PRKCH: variants seen among roughly 807,000 people sequenced by gnomAD.
PRKCH encodes protein kinase C eta.
A neutral mutation model predicts 82.5 loss-of-function variants in PRKCH; 28 were observed. The observed-to-expected ratio is 0.34, with a 90% CI of 0.25 to 0.47. PRKCH has a LOEUF of 0.47. PRKCH is among the 20% of genes least tolerant of loss of function. The pLI, the probability that PRKCH is intolerant of heterozygous loss-of-function variation, is 1.00. For synonymous variants in PRKCH, 322 were observed against 327.4 expected (o/e 0.98, Z 0.18); for missense variants, 705 against 881.8 (o/e 0.80, Z 2.54).
At chr14:61,338,105 G>A (rs1225778351) in intron 1 of PRKCH, among the ~76,000 whole-genome samples, 1 of 152,102 alleles carries the variant, frequency 6.6e-6, no homozygotes, top group African/African-American at 2.4e-5. Context: ...TGTGTTTGTG[G>A]GTGTCTGCCC....
Position 61,542,942 on chromosome 14 carries a change from C to T in PRKCH, c.1762-4801C>T, listed in dbSNP as rs115824029. Among the ~76,000 whole-genome samples, 299 of 152,294 alleles carry T rather than the reference C, an allele frequency of 2.0e-3. 2 individuals are homozygous for T. Among genetic ancestry groups the T allele is most frequent in the African/African-American group, 6.8e-3 (284 of 41,556 alleles). On this transcript the variant is annotated intron_variant, in intron 12 of 13. Coordinates refer to ENST00000332981, the MANE Select transcript of PRKCH (RefSeq NM_006255.5). ...TTATGCCAGGCGCTTTACGTTAATTCTCTCATTGACTCATCATAACTTTTT... is the reference window on the plus strand; with the variant it reads ...TTATGCCAGGCGCTTTACGTTAATTTTCTCATTGACTCATCATAACTTTTT...
At chr14:61,337,952 CT>C (rs2045880153) in intron 1 of PRKCH, among the ~76,000 whole-genome samples, 1 of 152,224 alleles carries the variant, frequency 6.6e-6, no homozygotes, top group African/African-American at 2.4e-5. Context: ...TTTGTTAGCT[CT>C]TTGGTTGTGC....
intron 4 of PRKCH, among the ~76,000 whole-genome samples, chr14:61,448,486 G>A (rs1335276049): frequency 6.6e-6 from 1 of 152,176 alleles, no homozygotes; most frequent in African/African-American, 2.4e-5. Flanking sequence ...AATTCTGAGG[G>A]CATTACAAGG....
rs754222218 is a variant in PRKCH at position 61,391,234 on chromosome 14, G to A, written c.373G>A (p.Glu125Lys). The change falls in exon 2 of 14, where the codon GAG becomes AAG. Residue 125 changes from glutamate (E) to lysine (K), a missense_variant. Glu to Lys is a moderately conservative substitution (Grantham distance 56, BLOSUM62 1). Transcript: ENST00000332981. ...SDTFEGWVDL[E>K]PEGKVFVVIT... ...TTTTTTCTCTTTGTAGGTGGATCTC[G>A]AGCCAGAGGGGAAAGTATTTGTGGT... 14 of 1,609,606 alleles carry A rather than the reference G, an allele frequency of 8.7e-6. No individual in the cohort carries two copies. The highest frequency in any genetic ancestry group is 2.7e-5 in the African/African-American group (2 of 74,556).
At chr14:61,373,374 T>C (rs2046388262) in intron 1 of PRKCH, among the ~76,000 whole-genome samples, 1 of 151,640 alleles carries the variant, frequency 6.6e-6, no homozygotes, top group South Asian at 2.1e-4. Context: ...CCACACACTT[T>C]CAACCAACCA....
intron 1 of PRKCH, among the ~76,000 whole-genome samples, chr14:61,291,418 C>T (rs2045361065): frequency 6.7e-6 from 1 of 148,516 alleles, no homozygotes; most frequent in Non-Finnish European, 1.5e-5. Flanking sequence ...CAACCTCCGC[C>T]TACCGGGTTC....
intron 2 of PRKCH, among the ~76,000 whole-genome samples, chr14:61,434,145 G>A (rs1482426594): frequency 2.6e-5 from 4 of 152,286 alleles, no homozygotes; most frequent in African/African-American, 9.6e-5. Context: ...GTTAAATTTA[G>A]TAAAGAAGAA....
At chr14:61,194,423 TATAAA>T (rs1220908599) in intron 1 of PRKCH, among the ~76,000 whole-genome samples, 1 of 152,180 alleles carries the variant, frequency 6.6e-6, no homozygotes, top group African/African-American at 2.4e-5. Flanking sequence ...TTAACGCTCT[TATAAA>T]AGAGACCCCT....
intron 4 of PRKCH, among the ~76,000 whole-genome samples, chr14:61,446,173 CAA>C (rs34051551): frequency 3.0e-4 from 24 of 79,624 alleles, no homozygotes; most frequent in Non-Finnish European, 4.2e-4. Flanking sequence ...GTTATGATTT[CAA>C]AAAAAAAAAA....
intron 12 of PRKCH, among the ~76,000 whole-genome samples, chr14:61,541,043 C>T (rs964302274): frequency 6.6e-6 from 1 of 152,234 alleles, no homozygotes; most frequent in Non-Finnish European, 1.5e-5. Flanking sequence ...ACTGCCTTCT[C>T]CTATGGAAAA....
At chr14:61,318,057 C>T (rs1344562017), upstream of PRKCH, among the ~76,000 whole-genome samples, 1 of 151,890 alleles carries the variant, frequency 6.6e-6, no homozygotes, top group African/African-American at 2.4e-5. Context: ...TTATCCCTGC[C>T]CCAATCTCCT....
chr14:61,545,811 A>G (rs936190129), intron 12 of PRKCH, among the ~76,000 whole-genome samples: 1 of 152,132 alleles, frequency 6.6e-6, no homozygotes, highest in African/African-American at 2.4e-5. Context: ...TGCCCCATGG[A>G]AGCTTGGGTT....
chr14:61,422,188 A>T (rs1882872064), intron 2 of PRKCH, among the ~76,000 whole-genome samples: 1 of 152,052 alleles, frequency 6.6e-6, no homozygotes, highest in African/African-American at 2.4e-5. Flanking sequence ...GGCTCAAGTG[A>T]TCTTCCCACC....
intron 1 of PRKCH, among the ~76,000 whole-genome samples, chr14:61,360,580 T>G (rs754658357): frequency 9.2e-5 from 14 of 152,214 alleles, no homozygotes; most frequent in Non-Finnish European, 1.6e-4. Flanking sequence ...TTACATTTCT[T>G]AAAGCCATGT....
chr14:61,292,715 G>A (rs1262059764), intron 1 of PRKCH, among the ~76,000 whole-genome samples: 36 of 140,332 alleles, frequency 2.6e-4, no homozygotes. Flanking sequence ...AGGTTGCAGT[G>A]ACCCAAGATT....
chr14:61,376,649 A>G (rs2046431806), intron 1 of PRKCH, among the ~76,000 whole-genome samples: 1 of 152,006 alleles, frequency 6.6e-6, no homozygotes, highest in African/African-American at 2.4e-5. Context: ...TCCACTGCAC[A>G]CTTGTACCAC....
intron 1 of PRKCH, among the ~76,000 whole-genome samples, chr14:61,273,696 A>G (rs183929523): frequency 1.1e-4 from 16 of 152,356 alleles, no homozygotes; most frequent in African/African-American, 3.1e-4. Flanking sequence ...GAGCATTTCC[A>G]TGCTGTTAAG....
intron 10 of PRKCH, among the ~76,000 whole-genome samples, chr14:61,496,520 A>T (rs1457673599): frequency 6.6e-6 from 1 of 152,074 alleles, no homozygotes; most frequent in Non-Finnish European, 1.5e-5. Flanking sequence ...CATCTTAGTC[A>T]TCACCTCCTC....
At chr14:61,381,631 C>T (rs2046510843) in intron 1 of PRKCH, among the ~76,000 whole-genome samples, 1 of 152,268 alleles carries the variant, frequency 6.6e-6, no homozygotes, top group African/African-American at 2.4e-5. Context: ...TGCATTTTCC[C>T]TGCCCCAGCA....
Sources: allele counts gnomAD v4.1 joint callset (sites outside exome capture counted in the v4.1 genomes callset), GRCh38; gene constraint gnomAD v4.1.1; transcripts MANE v1.5; gene names NCBI Gene and HGNC (gene_info 2026-07-23, HGNC 2026-07-21).